ACSS3: variants seen among roughly 807,000 people sequenced by gnomAD.
ACSS3 encodes acyl-CoA synthetase short-chain family member 3, mitochondrial.
Under a neutral mutation model 84.2 loss-of-function variants are expected in ACSS3, and 64 were observed. The ratio of observed to expected loss-of-function variants is 0.76; its 90% CI spans 0.62 to 0.94. The LOEUF (loss-of-function observed/expected upper bound fraction) is 0.94, where lower values mean the gene tolerates loss of function less well. Among genes scored for constraint, ACSS3 ranks in the 40% least tolerant of loss-of-function variants. The pLI is 0.00. For missense variants in ACSS3, 815 were observed against 867.6 expected (o/e 0.94, Z 0.76); for synonymous variants, 317 against 310.1 (o/e 1.02, Z -0.23).
intron 7 of ACSS3, among the ~76,000 whole-genome samples, chr12:81,170,751 A>G (rs955327526): frequency 5.3e-5 from 8 of 152,138 alleles, no homozygotes; most frequent in Admixed American, 5.2e-4. Context: ...ATGAAAACCA[A>G]GTTCTAGAAT....
At chr12:81,139,943 T>A (rs1193651029) in intron 4 of ACSS3, among the ~76,000 whole-genome samples, 3 of 152,084 alleles carry the variant, frequency 2.0e-5, no homozygotes, top group Non-Finnish European at 4.4e-5. Flanking sequence ...CCATATTTTT[T>A]AATCTTCCTG....
intron 7 of ACSS3, among the ~76,000 whole-genome samples, chr12:81,152,766 A>C (rs1261150311): frequency 1.3e-5 from 2 of 152,188 alleles, no homozygotes; most frequent in Non-Finnish European, 2.9e-5. Context: ...TTGCTAAATT[A>C]TCATTCAAAA....
chr12:81,208,648 A>G (rs191541821), intron 9 of ACSS3, among the ~76,000 whole-genome samples: 3 of 152,202 alleles, frequency 2.0e-5, no homozygotes, highest in East Asian at 3.9e-4. Context: ...CTATAATGCA[A>G]TTCTGAGCAA....
chr12:81,101,497 C>T (rs1348086441), intron 1 of ACSS3, among the ~76,000 whole-genome samples: 1 of 152,006 alleles, frequency 6.6e-6, no homozygotes, highest in Non-Finnish European at 1.5e-5. Flanking sequence ...ACTGCTTGTG[C>T]ATTTATATAA....
intron 13 of ACSS3, among the ~76,000 whole-genome samples, chr12:81,243,614 A>G (rs1466391188): frequency 2.0e-5 from 3 of 152,202 alleles, no homozygotes; most frequent in Non-Finnish European, 4.4e-5. Flanking sequence ...AAACTATACT[A>G]CAAGGCTACA....
intron 2 of ACSS3, among the ~76,000 whole-genome samples, chr12:81,118,432 T>C (rs576594599): frequency 2.0e-5 from 3 of 152,246 alleles, no homozygotes; most frequent in South Asian, 2.1e-4. Context: ...GAGGAGGATA[T>C]AGAGGAATGG....
intron 8 of ACSS3, among the ~76,000 whole-genome samples, chr12:81,197,904 C>G (rs924370830): frequency 6.6e-6 from 1 of 152,118 alleles, no homozygotes; most frequent in Non-Finnish European, 1.5e-5. Context: ...TTTCCAGCAT[C>G]GATTTCCCAT....
intron 1 of ACSS3, among the ~76,000 whole-genome samples, chr12:81,092,267 T>A (rs943864304): frequency 6.6e-6 from 1 of 152,154 alleles, no homozygotes; most frequent in African/African-American, 2.4e-5. Context: ...AGGTGCAAGA[T>A]GAGAGTCCAG....
intron 7 of ACSS3, among the ~76,000 whole-genome samples, chr12:81,167,426 A>C (rs2135799991): frequency 6.6e-6 from 1 of 152,302 alleles, no homozygotes; most frequent in East Asian, 1.9e-4. Context: ...TATATAGAAC[A>C]GAAATTTATT....
chr12:81,199,810 C>A, intron 9 of ACSS3: 2 of 587,042 alleles, frequency 3.4e-6, no homozygotes, highest in Non-Finnish European at 5.4e-6. Context: ...CTGCATTATC[C>A]TCTGTCCTGA....
At chr12:81,164,624 A>G (rs970030562) in intron 7 of ACSS3, among the ~76,000 whole-genome samples, 1 of 152,138 alleles carries the variant, frequency 6.6e-6, no homozygotes, top group African/African-American at 2.4e-5. Flanking sequence ...GAACATCTCA[A>G]TTCTGTATTT....
At chr12:81,147,777 G>A (rs146849800) in intron 5 of ACSS3, among the ~76,000 whole-genome samples, 297 of 151,804 alleles carry the variant, frequency 2.0e-3, no homozygotes, top group African/African-American at 6.8e-3. Flanking sequence ...TTTCTCTGAC[G>A]CCTGCCATCA....
At chr12:81,140,186 A>G (rs1409008257) in intron 4 of ACSS3, among the ~76,000 whole-genome samples, 2 of 152,214 alleles carry the variant, frequency 1.3e-5, no homozygotes, top group Non-Finnish European at 2.9e-5. Flanking sequence ...CAGAAATAAA[A>G]CTATGCTTAG....
In ACSS3 at chr12:81,259,380, T is replaced by C; in HGVS notation, c.*4458T>C. ...TACATAAATGCCTAGTATATTACAA[T>C]AAAACATGAAAAACAACTGGCTTCA... is the stretch of plus-strand genomic sequence containing the variant. On this transcript the variant is annotated 3_prime_UTR_variant, in exon 16 of 16. Coordinates refer to ENST00000548058, the MANE Select transcript of ACSS3 (RefSeq NM_024560.4). 2 of 619,452 alleles carry C rather than the reference T, an allele frequency of 3.2e-6. No individual in the cohort carries two copies. The highest frequency in any genetic ancestry group is 5.9e-6 in the Non-Finnish European group (2 of 338,020). 38.4% of individuals were successfully genotyped at this position (619,452 alleles called of 1,614,324 possible). A position where few individuals can be genotyped will look rare whatever the true frequency, so the allele number is the denominator to read the frequency against.
At position 81,078,154 on chromosome 12, in the gene ACSS3, AC is replaced by A; in HGVS notation, c.36del (p.Ser13AlafsTer25). On this transcript the variant is annotated frameshift_variant, in exon 1 of 16. Transcript: ENST00000548058. LOFTEE classifies it high-confidence loss of function. ...KPSWLQCRKV[T>X]SAGGLGGPLP... ...GTCTTGGCTGCAGTGTCGTAAAGTC[AC>A]CAGCGCCGGGGGGCTCGGAGGGCCC... 1 of 1,511,316 alleles carries A rather than the reference AC, an allele frequency of 6.6e-7. No individual in the cohort carries two copies. 93.6% of individuals were successfully genotyped at this position (1,511,316 alleles called of 1,614,324 possible).
intron 9 of ACSS3, among the ~76,000 whole-genome samples, chr12:81,213,615 C>G (rs1565723417): frequency 3.9e-5 from 1 of 25,678 alleles, no homozygotes; most frequent in Non-Finnish European, 7.3e-5. Context: ...CCCTCCCCTC[C>G]CCTCCTCCCC....
intron 4 of ACSS3, among the ~76,000 whole-genome samples, chr12:81,141,005 G>T (rs1886067556): frequency 6.6e-6 from 1 of 152,114 alleles, no homozygotes; most frequent in Admixed American, 6.6e-5. Context: ...GTAATGGAGA[G>T]GTCATAGCCC....
At chr12:81,237,061 A>C (rs2033654561) in intron 13 of ACSS3, among the ~76,000 whole-genome samples, 2 of 151,496 alleles carry the variant, frequency 1.3e-5, no homozygotes, top group South Asian at 2.1e-4. Context: ...TCTTTAATCA[A>C]AACTCTAATT....
intron 4 of ACSS3, among the ~76,000 whole-genome samples, chr12:81,142,604 G>T (rs996235302): frequency 6.6e-6 from 1 of 152,114 alleles, no homozygotes; most frequent in African/African-American, 2.4e-5. Flanking sequence ...TCCTGAAGAA[G>T]AATTAATGTT....
Sources: allele counts gnomAD v4.1 joint callset (sites outside exome capture counted in the v4.1 genomes callset), GRCh38; gene constraint gnomAD v4.1.1; transcripts MANE v1.5; gene names NCBI Gene and HGNC (gene_info 2026-07-23, HGNC 2026-07-21).